The following CFAP43 variants were observed in gnomAD, a reference collection of about 807,000 sequenced individuals.
CFAP43 encodes the protein cilia- and flagella-associated protein 43.
CFAP43 carries 155 observed loss-of-function variants against 218.9 expected under a neutral mutation model. That is an observed-to-expected ratio of 0.71 (90% CI 0.62 to 0.81). The LOEUF is 0.81. Ranked by LOEUF, CFAP43 falls within the 30% of genes least tolerant of loss-of-function variation. CFAP43 has a pLI of 0.00. For missense variants in CFAP43, 1,778 were observed against 1,954.3 expected (o/e 0.91, Z 1.70); for synonymous variants, 645 against 681.3 (o/e 0.95, Z 0.83).
At chr10:104,164,050 G>C in intron 24 of CFAP43, 44 bp downstream of exon 24, 1 of 1,594,898 alleles carries the variant, frequency 6.3e-7, no homozygotes, top group Middle Eastern at 1.7e-4. Flanking sequence ...GCTGGGGAAA[G>C]TCTCCTGAGA....
At chr10:104,229,275 C>T (rs2091383414) in intron 2 of CFAP43, among the ~76,000 whole-genome samples, 1 of 152,120 alleles carries the variant, frequency 6.6e-6, no homozygotes, top group Admixed American at 6.6e-5. Context: ...GAGCTTTCTG[C>T]CCATGGGGTG....
chr10:104,215,559 GA>G (rs1473408569), intron 3 of CFAP43, among the ~76,000 whole-genome samples: 26 of 152,082 alleles, frequency 1.7e-4, no homozygotes, highest in Non-Finnish European at 3.1e-4. Context: ...AGAGACATGG[GA>G]ACAAAGACTA....
intron 8 of CFAP43, 58 bp from the exon 9 acceptor site, chr10:104,198,096 A>G (rs41290940): frequency 0.016 from 16,832 of 1,031,076 alleles, 247 homozygotes; most frequent in Non-Finnish European, 0.016. Context: ...ATAGTTCAAC[A>G]AATATTTATT....
intron 1 of CFAP43, 48 bp downstream of exon 1, chr10:104,232,134 G>C (rs759490487): frequency 6.3e-7 from 1 of 1,578,030 alleles, no homozygotes; most frequent in African/African-American, 1.4e-5. Context: ...ACTTGGGGCA[G>C]GAGGTTCCGC....
chr10:104,198,063 AAC>A (rs2090427934), intron 8 of CFAP43, 25 bp from the exon 9 acceptor site: 2 of 1,364,794 alleles, frequency 1.5e-6, no homozygotes, highest in East Asian at 4.6e-5. Context: ...AAAGAAAAGA[AAC>A]ACATTGTAAT....
intron 34 of CFAP43, 81 bp downstream of exon 34, chr10:104,140,761 A>G: frequency 8.6e-7 from 1 of 1,157,532 alleles, no homozygotes; most frequent in Non-Finnish European, 1.2e-6. Context: ...GGCTGCAGTG[A>G]GCCATGATTG....
chr10:104,189,740 T>C (rs2090144214), intron 12 of CFAP43, among the ~76,000 whole-genome samples: 1 of 152,150 alleles, frequency 6.6e-6, no homozygotes, highest in Non-Finnish European at 1.5e-5. Context: ...CAGTGGCTCA[T>C]GTCTGTAATC....
intron 11 of CFAP43, chr10:104,192,733 TG>T (rs1196881336): frequency 5.8e-6 from 1 of 172,016 alleles, no homozygotes; most frequent in Admixed American, 6.5e-5. Flanking sequence ...TTAGAAAAAG[TG>T]GGAAGATGTA....
chr10:104,225,429 T>C, intron 3 of CFAP43, 32 bp downstream of exon 3: 1 of 1,509,384 alleles, frequency 6.6e-7, no homozygotes, highest in Middle Eastern at 1.7e-4. Context: ...TGTAACCCAG[T>C]AAAAGGAATT....
chr10:104,132,517 A>T, intron 35 of CFAP43: 1 of 446,290 alleles, frequency 2.2e-6, no homozygotes, highest in Non-Finnish European at 3.0e-6. Flanking sequence ...CGGGAGGGTG[A>T]GGCAGGAGAA....
intron 16 of CFAP43, among the ~76,000 whole-genome samples, chr10:104,184,209 G>A (rs1022580497): frequency 1.2e-4 from 19 of 152,224 alleles, no homozygotes; most frequent in African/African-American, 4.1e-4. Flanking sequence ...GAGGAATTTC[G>A]TTTATAGTTT....
intron 3 of CFAP43, among the ~76,000 whole-genome samples, chr10:104,221,869 T>A (rs1296684356): frequency 6.6e-6 from 1 of 152,088 alleles, no homozygotes; most frequent in Non-Finnish European, 1.5e-5. Context: ...CCATTGGAAA[T>A]CTCAGTGAAT....
chr10:104,152,801 C>A, intron 27 of CFAP43, 75 bp from the exon 28 acceptor site: 1 of 1,517,684 alleles, frequency 6.6e-7, no homozygotes, highest in South Asian at 1.3e-5. Flanking sequence ...TACATTTCAC[C>A]ACAAGGGAGG....
At position 104,182,395 on chromosome 10, in the gene CFAP43, C is replaced by A; in HGVS notation, c.2260G>T (p.Val754Leu). 4 of 1,608,566 alleles carry A rather than the reference C, an allele frequency of 2.5e-6. No homozygotes were observed. The highest frequency in any genetic ancestry group is 3.4e-6 in the Non-Finnish European group (4 of 1,178,270). Reference protein sequence around the residue: ...HYLSTTPKVSVDLGSDSEHTK... With the variant: ...HYLSTTPKVSLDLGSDSEHTK... Reference sequence around the variant, plus strand: ...TGTTCAGAATCGGATCCCAAATCTACGGAAACTTTTGGTGTTGTGCTTAAA... The same window carrying A: ...TGTTCAGAATCGGATCCCAAATCTAAGGAAACTTTTGGTGTTGTGCTTAAA... The change falls in exon 17 of 38, where the codon GTA becomes TTA. Residue 754 changes from valine to leucine, a missense_variant. Coordinates refer to ENST00000357060, the MANE Select transcript of CFAP43 (RefSeq NM_025145.7).
At chr10:104,156,923 G>GTGGGTA (rs2088579051) in intron 27 of CFAP43, among the ~76,000 whole-genome samples, 1 of 152,128 alleles carries the variant, frequency 6.6e-6, no homozygotes, top group Admixed American at 6.6e-5. Context: ...GAGCAATTAA[G>GTGGGTA]TGGTCCCCTC....
In CFAP43 at chr10:104,166,548, C is replaced by A. The variant is rs2089163031; in HGVS notation, c.2979G>T (p.Leu993Phe). The A allele has an allele frequency of 6.2e-7, 1 of 1,613,942 alleles. No individual in the cohort carries two copies. The highest frequency in any genetic ancestry group is 8.5e-7 in the Non-Finnish European group (1 of 1,180,022). Residue 993 changes from leucine to phenylalanine, a missense_variant, in exon 23 of 38, where the codon TTG (leucine) becomes TTT (phenylalanine). By Grantham distance (22) the Leu-to-Phe change is conservative. Transcript: ENST00000357060. Reference protein sequence around the residue: ...STDFGVDTSLLSSQLELHSRE... With the variant: ...STDFGVDTSLFSSQLELHSRE... ...TGGAATGAAGCTCCAATTGGCTTGA[C>A]AATAAAGAGGTATCTACCCCAAAAT...
At chr10:104,187,623 G>A in intron 13 of CFAP43, 131 bp from the exon 14 acceptor site, 1 of 720,150 alleles carries the variant, frequency 1.4e-6, no homozygotes. Context: ...GCTAGTAGGT[G>A]ATAAAAATGA....
chr10:104,145,013 T>C (rs1392570813), intron 31 of CFAP43, among the ~76,000 whole-genome samples: 1 of 152,230 alleles, frequency 6.6e-6, no homozygotes, highest in Non-Finnish European at 1.5e-5. Flanking sequence ...AATAATACAT[T>C]CTGCAGTAAA....
chr10:104,136,754 A>C (rs1244021559), intron 34 of CFAP43, among the ~76,000 whole-genome samples: 1 of 152,234 alleles, frequency 6.6e-6, no homozygotes, highest in African/African-American at 2.4e-5. Flanking sequence ...TAATGTCCAG[A>C]ACATATAAAA....
Sources: gnomAD v4.1 joint callset for allele counts (sites outside exome capture counted in the v4.1 genomes callset) on GRCh38, gnomAD v4.1.1 for gene constraint, MANE v1.5 for transcripts, NCBI Gene and HGNC (gene_info 2026-07-23, HGNC 2026-07-21) for gene names.